Variants in DNAJC5 observed in about 807,000 individuals in gnomAD.
DNAJC5 encodes the protein dnaJ homolog subfamily C member 5.
Under a neutral mutation model 23.2 loss-of-function variants are expected in DNAJC5, and 1 was observed. That is an observed-to-expected ratio of 0.04 (90% CI 0.02 to 0.20). The LOEUF is 0.20. DNAJC5 is among the 10% of genes least tolerant of loss of function. The pLI, the probability that DNAJC5 is intolerant of heterozygous loss-of-function variation, is 1.00. For missense variants in DNAJC5, 180 were observed against 267.0 expected, an observed-to-expected ratio of 0.67 and a Z score of 2.27; for synonymous variants, 136 against 120.0, an observed-to-expected ratio of 1.13 and a Z score of -0.87.
chr20:63,924,470 TCGA>T (rs1428509579), intron 1 of DNAJC5, among the ~76,000 whole-genome samples: 2 of 152,206 alleles, frequency 1.3e-5, no homozygotes, highest in Non-Finnish European at 2.9e-5. Context: ...CACTGCAGCC[TCGA>T]GCTTCTGGGC....
intron 1 of DNAJC5, among the ~76,000 whole-genome samples, chr20:63,912,797 CG>C (rs1188751206): frequency 6.6e-6 from 1 of 152,012 alleles, no homozygotes; most frequent in Non-Finnish European, 1.5e-5. Flanking sequence ...TTAGTTGAGA[CG>C]GGGTTTCACC....
chr20:63,921,931 G>A (rs577833792), intron 1 of DNAJC5, among the ~76,000 whole-genome samples: 178 of 151,944 alleles, frequency 1.2e-3, no homozygotes, highest in South Asian at 5.8e-3. Context: ...GATGCACACC[G>A]TCACACCCAG....
At chr20:63,909,630 G>A (rs1406942454) in intron 1 of DNAJC5, among the ~76,000 whole-genome samples, 4 of 152,238 alleles carry the variant, frequency 2.6e-5, no homozygotes, top group Non-Finnish European at 5.9e-5. Flanking sequence ...GCAGTGAGCC[G>A]AGATTGTGCC....
At chr20:63,921,070 C>G (rs937375517) in intron 1 of DNAJC5, among the ~76,000 whole-genome samples, 2 of 152,164 alleles carry the variant, frequency 1.3e-5, no homozygotes, top group Non-Finnish European at 2.9e-5. Context: ...AGTGATTCTT[C>G]TACCTCAGCC....
chr20:63,902,147 C>T (rs1020381248), intron 1 of DNAJC5, among the ~76,000 whole-genome samples: 24 of 151,592 alleles, frequency 1.6e-4, no homozygotes, highest in African/African-American at 5.1e-4. Flanking sequence ...CTCCGCCTCC[C>T]GGGTTCACGC....
At chr20:63,927,507 T>C (rs184681051) in intron 1 of DNAJC5, among the ~76,000 whole-genome samples, 168 of 151,782 alleles carry the variant, frequency 1.1e-3, no homozygotes, top group South Asian at 4.2e-3. Context: ...GCCATTGCAC[T>C]CCAGCCTGGG....
At chr20:63,913,190 C>A (rs1250245622) in intron 1 of DNAJC5, among the ~76,000 whole-genome samples, 1 of 87,082 alleles carries the variant, frequency 1.1e-5, no homozygotes, top group Non-Finnish European at 2.0e-5. Context: ...GTGTCTTCCC[C>A]ATCCCAGTGT....
rs1351510164 is a variant in DNAJC5 at position 63,932,752 on chromosome 20, G to C, written c.*1184G>C. ...GGAGGGTTGGGTCCCTGGGAGGCCG[G>C]CAGCCAGGCCACAGAATCCACACGT... On this transcript the variant is annotated 3_prime_UTR_variant, in exon 5 of 5. Coordinates refer to ENST00000360864, the MANE Select transcript of DNAJC5 (RefSeq NM_025219.3). This position sits in a 1 kb window ranked among gnomAD's most constrained non-coding sequence, Gnocchi z 4.4. The C allele has an allele frequency of 6.6e-6, 1 of 151,454 alleles. No homozygotes were observed. Among genetic ancestry groups the C allele is most frequent in the Non-Finnish European group, 1.5e-5 (1 of 68,094 alleles). 9.4% of individuals were successfully genotyped at this position (151,454 alleles called of 1,614,324 possible).
chr20:63,916,387 A>G lies in DNAJC5; in HGVS notation c.-11-11948A>G, dbSNP rs188904593. On this transcript the variant is annotated intron_variant, in intron 1 of 4. Coordinates refer to ENST00000360864, the MANE Select transcript of DNAJC5 (RefSeq NM_025219.3). The stretch of plus-strand genomic sequence containing the variant: ...CCCCCGGGTGACATCACATATCGGT[A>G]GGGCCGCGATGCCCGCCTGAGCCAC... 7.9e-5 allele frequency among the ~76,000 whole-genome samples: 12 copies of G among 152,356 alleles called. No individual in the cohort carries two copies. The East Asian group carries it at 2.3e-3, about 29-fold the overall frequency.
At chr20:63,912,334 G>A (rs2053487794) in intron 1 of DNAJC5, among the ~76,000 whole-genome samples, 1 of 151,848 alleles carries the variant, frequency 6.6e-6, no homozygotes, top group Admixed American at 6.6e-5. Context: ...AAAGGTGAGG[G>A]ACACCTGTGA....
At chr20:63,921,489 G>C (rs1341149835) in intron 1 of DNAJC5, among the ~76,000 whole-genome samples, 1 of 151,850 alleles carries the variant, frequency 6.6e-6, no homozygotes, top group Non-Finnish European at 1.5e-5. Context: ...TACTCAGGAG[G>C]CTGAGGCAGA....
At position 63,932,463 on chromosome 20, in the gene DNAJC5, C is replaced by G. The variant is rs1064345; in HGVS notation, c.*895C>G. The G allele has an allele frequency of 0.01, 1,531 of 152,996 alleles. 8 individuals carry two copies. The highest frequency in any genetic ancestry group is 0.015 in the Non-Finnish European group (1,042 of 68,210). 9.5% of individuals were successfully genotyped at this position (152,996 alleles called of 1,614,324 possible). On this transcript the variant is annotated 3_prime_UTR_variant, in exon 5 of 5. Coordinates refer to ENST00000360864, the MANE Select transcript of DNAJC5 (RefSeq NM_025219.3). This position sits in a 1 kb window ranked among gnomAD's most constrained non-coding sequence, Gnocchi z 4.4. ...GTTCTCCACATTCCTTCCAGCACAC[C>G]TGTCCTTTCCATAGCCCTTTTTGGA... is the stretch of plus-strand genomic sequence containing the variant.
chr20:63,905,695 G>A (rs1224621947), intron 1 of DNAJC5, among the ~76,000 whole-genome samples: 8 of 150,748 alleles, frequency 5.3e-5, no homozygotes, highest in Non-Finnish European at 7.4e-5. Context: ...TCAGCCTCCC[G>A]AGTAGCTGGG....
At position 63,920,981 on chromosome 20, in the gene DNAJC5, C is replaced by T. The variant is rs1281199210; in HGVS notation, c.-11-7354C>T. Reference sequence around the variant, plus strand: ...TTTTTTATTTTGTTTTGTTTTGAGACGGAGTTTCACTATTGTTACGCAGAC... The same window carrying T: ...TTTTTTATTTTGTTTTGTTTTGAGATGGAGTTTCACTATTGTTACGCAGAC... On this transcript the variant is annotated intron_variant, in intron 1 of 4. Transcript: ENST00000360864. This position sits in a 1 kb window ranked among gnomAD's most constrained non-coding sequence, Gnocchi z 4.6. Among the ~76,000 whole-genome samples, 2 of 152,060 alleles carry T rather than the reference C, an allele frequency of 1.3e-5. No individual in the cohort carries two copies. Among genetic ancestry groups the T allele is most frequent in the African/African-American group, 2.4e-5 (1 of 41,486 alleles).
In DNAJC5 at chr20:63,933,689, A is replaced by G. The variant is rs2053693674; in HGVS notation, c.*2121A>G. 1 of 152,326 alleles carries G rather than the reference A, an allele frequency of 6.6e-6. No individual in the cohort carries two copies. Among genetic ancestry groups the G allele is most frequent in the African/African-American group, 2.4e-5 (1 of 41,440 alleles). The allele number at this position is 152,326 out of a possible 1,614,324, so 9.4% of individuals were successfully genotyped here. A position where few individuals can be genotyped will look rare whatever the true frequency, so the allele number is the denominator to read the frequency against. On this transcript the variant is annotated 3_prime_UTR_variant, in exon 5 of 5. Coordinates refer to ENST00000360864, the MANE Select transcript of DNAJC5 (RefSeq NM_025219.3). ...TGTACTCAGCCTTTGCAATTTTTGT[A>G]GATGTAGCTTAGGACGTGAGTTATT...
intron 1 of DNAJC5, among the ~76,000 whole-genome samples, chr20:63,914,978 TAAAG>T (rs772768926): frequency 2.0e-5 from 3 of 152,146 alleles, no homozygotes; most frequent in Admixed American, 6.5e-5. Context: ...GGTTTTTAAA[TAAAG>T]AACGCTCAAA....
intron 1 of DNAJC5, among the ~76,000 whole-genome samples, chr20:63,913,389 T>G (rs2053495845): frequency 6.6e-6 from 1 of 151,698 alleles, no homozygotes; most frequent in Non-Finnish European, 1.5e-5. Context: ...CAGCCTGTTT[T>G]TTTTCTTTCT....
At chr20:63,924,397 C>A (rs2053594941) in intron 1 of DNAJC5, among the ~76,000 whole-genome samples, 1 of 151,950 alleles carries the variant, frequency 6.6e-6, no homozygotes. Flanking sequence ...ATTTCTTTTT[C>A]TTTTTTTGAA....
chr20:63,924,753 G>A (rs1212386997), intron 1 of DNAJC5, among the ~76,000 whole-genome samples: 1 of 152,208 alleles, frequency 6.6e-6, no homozygotes, highest in Non-Finnish European at 1.5e-5. Context: ...GCATGGGAAT[G>A]GGTTGAGCCT....
Sources: allele counts gnomAD v4.1 joint callset (sites outside exome capture counted in the v4.1 genomes callset), GRCh38; gene constraint gnomAD v4.1.1; non-coding constraint Gnocchi (gnomAD v3.1); transcripts MANE v1.5; gene names NCBI Gene and HGNC (gene_info 2026-07-23, HGNC 2026-07-21).